MUC17: variants seen among roughly 807,000 people sequenced by gnomAD.
MUC17 encodes the protein mucin 17, cell surface associated, also known as mucin-17.
MUC17 carries 190 observed loss-of-function variants against 170.3 expected under a neutral mutation model. The observed-to-expected ratio is 1.12, with a 90% CI of 0.99 to 1.26. The LOEUF (loss-of-function observed/expected upper bound fraction) is 1.26, where lower values mean the gene tolerates loss of function less well. Ranked by LOEUF, MUC17 falls within the 50% of genes most tolerant of loss-of-function variation. MUC17 has a pLI of 0.00. For missense variants in MUC17, 6,415 were observed against 5,530.0 expected, an observed-to-expected ratio of 1.16 and a Z score of -5.08; for synonymous variants, 2,325 against 2,002.5, an observed-to-expected ratio of 1.16 and a Z score of -4.30.
intron 11 of MUC17, among the ~76,000 whole-genome samples, chr7:101,055,431 C>T (rs893198299): frequency 6.6e-6 from 1 of 151,938 alleles, no homozygotes; most frequent in African/African-American, 2.4e-5. Flanking sequence ...AAAAGAATTA[C>T]TAGGTATAAA....
chr7:101,044,754 G>A (rs528738937), intron 3 of MUC17, among the ~76,000 whole-genome samples: 17 of 152,224 alleles, frequency 1.1e-4, no homozygotes, highest in African/African-American at 3.6e-4. Context: ...AAACTTTCTA[G>A]TGGATTTTCT....
chr7:101,026,966 T>G (rs1019667375), intron 1 of MUC17, among the ~76,000 whole-genome samples: 1 of 152,134 alleles, frequency 6.6e-6, no homozygotes, highest in Non-Finnish European at 1.5e-5. Flanking sequence ...CCCTCCCCAC[T>G]TGGCTTCCCA....
Position 101,039,671 on chromosome 7 carries a change from C to T in MUC17, c.8255C>T (p.Pro2752Leu), listed in dbSNP as rs372042839. ...TCAACTCCTAGTGATGGAAGTACTCCATTAACAAGTATACTTGTCAGCACC... is the reference window on the plus strand; with the variant it reads ...TCAACTCCTAGTGATGGAAGTACTCTATTAACAAGTATACTTGTCAGCACC... ...RISTPSDGST[P>L]LTSILVSTLP... Residue 2752 changes from proline to leucine, a missense_variant, in exon 3 of 13, where the codon CCA becomes CTA. Transcript: ENST00000306151. The T allele has an allele frequency of 1.8e-5, 29 of 1,612,608 alleles. 1 individual carries two copies. In the African/African-American group the frequency reaches 3.7e-4, roughly 21 times the overall value.
intron 1 of MUC17, among the ~76,000 whole-genome samples, chr7:101,029,623 G>T (rs578172033): frequency 6.6e-6 from 1 of 151,930 alleles, no homozygotes; most frequent in South Asian, 2.1e-4. Context: ...TTTTGAGACA[G>T]AGTCTCGCTC....
In MUC17 at chr7:101,035,415, T is replaced by C. The variant is rs374292311; in HGVS notation, c.3999T>C (p.Ser1333=). The C allele has an allele frequency of 5.0e-6, 8 of 1,606,418 alleles. No individual in the cohort carries two copies. Among genetic ancestry groups the C allele is most frequent in the East Asian group, 2.3e-5 (1 of 44,254 alleles). Residue 1333 remains serine, a synonymous_variant, in exon 3 of 13, where the codon AGT becomes AGC. Transcript: ENST00000306151. The stretch of plus-strand genomic sequence containing the variant: ...CCAGCATGCCAACCTCAACTTATAG[T>C]GAAGGAAGAACTCCTTTAACAAGTA... ...EGTSMPTSTY[S]EGRTPLTSIP...
rs149791723 is a variant in MUC17, at chr7:101,043,800, T to C, written c.12384T>C (p.Thr4128=). The change falls in exon 3 of 13, where the codon ACT becomes ACC. Residue 4128 remains threonine, a synonymous_variant. Transcript: ENST00000306151. ...TIKSNPTSTP[T]VPRTTTCFGD... Reference sequence around the variant, plus strand: ...AGAGCAACCCCACCTCAACTCCTACTGTGCCAAGAACCACAACATGTAAGT... The same window carrying C: ...AGAGCAACCCCACCTCAACTCCTACCGTGCCAAGAACCACAACATGTAAGT... 16 of 1,604,238 alleles carry C rather than the reference T, an allele frequency of 1.0e-5. No individual in the cohort carries two copies. In the African/African-American group the frequency reaches 1.6e-4, roughly 16 times the overall value.
chr7:101,036,439 G>T lies in MUC17; in HGVS notation c.5023G>T (p.Ala1675Ser). ...TGAAGTCAGTTCATCTCCTACACCT[G>T]CTGAAGGTACCAGCATGCCAACCTC... is the stretch of plus-strand genomic sequence containing the variant. ...STEVSSSPTPAEGTSMPTSTY... is the reference protein window; with the variant it reads ...STEVSSSPTPSEGTSMPTSTY... Residue 1675 changes from alanine to serine, a missense_variant, in exon 3 of 13, where the codon GCT becomes TCT. Ala to Ser is a moderately conservative substitution (Grantham distance 99). Transcript: ENST00000306151. 1 of 1,610,580 alleles carries T rather than the reference G, an allele frequency of 6.2e-7. No individual in the cohort carries two copies. Among genetic ancestry groups the T allele is most frequent in the Non-Finnish European group, 8.5e-7 (1 of 1,178,750 alleles).
At chr7:101,046,843 G>T (rs766391760) in intron 3 of MUC17, among the ~76,000 whole-genome samples, 2 of 152,082 alleles carry the variant, frequency 1.3e-5, no homozygotes, top group Non-Finnish European at 2.9e-5. Context: ...ACTTTGGGAG[G>T]CTGAGGTGGG....
chr7:101,032,108 C>G lies in MUC17; in HGVS notation c.692C>G (p.Ser231Ter), dbSNP rs1456838662. The G allele has an allele frequency of 6.2e-7, 1 of 1,613,762 alleles. No homozygotes were observed. Among genetic ancestry groups the G allele is most frequent in the Non-Finnish European group, 8.5e-7 (1 of 1,179,998 alleles). The change falls in exon 3 of 13, where the codon TCA becomes TGA. Residue 231 changes from serine (S) to a stop codon, truncating the protein, a stop_gained. Coordinates refer to ENST00000306151, the MANE Select transcript of MUC17 (RefSeq NM_001040105.2). LOFTEE classifies it high-confidence loss of function. ...MPASTMKVAS[S>*]EAITLLTTPV... ...GCCAGCACCATGAAGGTGGCCAGTT[C>G]AGAGGCTATCACCCTTTTGACAACT...
At chr7:101,047,885 T>G in intron 3 of MUC17, 99 bp from the exon 4 acceptor site, 2 of 1,363,382 alleles carry the variant, frequency 1.5e-6, no homozygotes, top group Non-Finnish European at 1.9e-6. Context: ...AGCTGTAAAG[T>G]GCTGTGCTCA....
intron 11 of MUC17, among the ~76,000 whole-genome samples, chr7:101,053,861 C>T (rs1303078081): frequency 9.6e-5 from 14 of 145,192 alleles, no homozygotes; most frequent in Non-Finnish European, 1.7e-4. Context: ...GCCTGGGCAA[C>T]AAGCACGAAA....
chr7:101,037,878 A>T lies in MUC17; in HGVS notation c.6462A>T (p.Ser2154=). Residue 2154 remains serine (S), a synonymous_variant, in exon 3 of 13, where the codon TCA becomes TCT. Transcript: ENST00000306151. Reference sequence around the variant, plus strand: ...CTGAAGGTACCAGCATGCAAACCTCAACTTATAGTGACAGAAGAACTCCTT... The same window carrying T: ...CTGAAGGTACCAGCATGCAAACCTCTACTTATAGTGACAGAAGAACTCCTT... The part of the protein sequence containing the change: ...IPTEGTSMQT[S]TYSDRRTPLT... 6.2e-7 allele frequency: 1 copy of T among 1,610,846 alleles called. No homozygotes were observed. Among genetic ancestry groups the T allele is most frequent in the Non-Finnish European group, 8.5e-7 (1 of 1,178,156 alleles).
At position 101,051,887 on chromosome 7, in the gene MUC17, G is replaced by A; in HGVS notation, c.13028G>A (p.Cys4343Tyr). Reference protein sequence around the residue: ...RDQKPYCISPCEPGFSVSKNC... With the variant: ...RDQKPYCISPYEPGFSVSKNC... ...CAGAAGCCATACTGCATCAGCCCCTGTGAGCCTGGCTTCAGTGTCTCCAAG... is the reference window on the plus strand; with the variant it reads ...CAGAAGCCATACTGCATCAGCCCCTATGAGCCTGGCTTCAGTGTCTCCAAG... The change falls in exon 9 of 13, where the codon TGT (cysteine) becomes TAT (tyrosine). Residue 4343 changes from cysteine (C) to tyrosine (Y), a missense_variant. By Grantham distance (194) the Cys-to-Tyr change is radical. Coordinates refer to ENST00000306151, the MANE Select transcript of MUC17 (RefSeq NM_001040105.2). 1 of 1,614,212 alleles carries A rather than the reference G, an allele frequency of 6.2e-7. No homozygotes were observed. The highest frequency in any genetic ancestry group is 1.1e-5 in the South Asian group (1 of 91,090).
chr7:101,056,077 A>T, intron 11 of MUC17, 117 bp from the exon 12 acceptor site: 2 of 1,426,062 alleles, frequency 1.4e-6, no homozygotes, highest in Non-Finnish European at 1.9e-6. Flanking sequence ...AAGGGTTTGC[A>T]GTTTCCTAGG....
Position 101,042,935 on chromosome 7 carries a change from G to A in MUC17, c.11519G>A (p.Gly3840Asp), listed in dbSNP as rs1426921306. ...GCCAGCACACTTTCAACACCTCCTG[G>A]TGATACCAGCACACCTTTGCTCACC... is the stretch of plus-strand genomic sequence containing the variant. ...SEASTLSTPP[G>D]DTSTPLLTST... is the part of the protein sequence containing the mutation. Residue 3840 changes from glycine to aspartate, a missense_variant, in exon 3 of 13, where the codon GGT becomes GAT. Transcript: ENST00000306151. 16 of 1,613,838 alleles carry A rather than the reference G, an allele frequency of 9.9e-6. No homozygotes were observed. The highest frequency in any genetic ancestry group is 1.3e-5 in the Non-Finnish European group (15 of 1,179,954).
chr7:101,044,338 G>T (rs1367862929), intron 3 of MUC17, among the ~76,000 whole-genome samples: 2 of 152,088 alleles, frequency 1.3e-5, no homozygotes, highest in Non-Finnish European at 2.9e-5. Context: ...TCAAAAAGTG[G>T]GCAAAGGATA....
At position 101,032,042 on chromosome 7, in the gene MUC17, CAACT is replaced by C. The variant is rs1562803395; in HGVS notation, c.630_633del (p.Asn211ValfsTer7). 6.2e-7 allele frequency: 1 copy of C among 1,614,112 alleles called. No individual in the cohort carries two copies. Among genetic ancestry groups the C allele is most frequent in the Admixed American group, 1.7e-5 (1 of 60,016 alleles). On this transcript the variant is annotated frameshift_variant, in exon 3 of 13. Coordinates refer to ENST00000306151, the MANE Select transcript of MUC17 (RefSeq NM_001040105.2). LOFTEE classifies it high-confidence loss of function. ...CCTGAAAGCACCACCATACCCAAAT[CAACT>C]AACAGTGAAGGAAGCACTCCATTAA...
intron 1 of MUC17, among the ~76,000 whole-genome samples, chr7:101,027,893 T>A (rs1015027215): frequency 6.6e-6 from 1 of 151,920 alleles, no homozygotes; most frequent in Non-Finnish European, 1.5e-5. Context: ...TGTCTCGGCC[T>A]CTCAAGTAGC....
chr7:101,043,497 G>A lies in MUC17; in HGVS notation c.12081G>A (p.Thr4027=), dbSNP rs776481661. The A allele has an allele frequency of 9.9e-6, 16 of 1,614,116 alleles. No homozygotes were observed. The highest frequency in any genetic ancestry group is 1.3e-5 in the Non-Finnish European group (15 of 1,180,020). ...TSRGCTTSAS[T]LSATSTPHTS... is the part of the protein sequence containing the mutation. Reference sequence around the variant, plus strand: ...GAGGCTGCACTACTTCTGCATCAACGCTTTCTGCAACCAGTACACCTCACA... The same window carrying A: ...GAGGCTGCACTACTTCTGCATCAACACTTTCTGCAACCAGTACACCTCACA... Residue 4027 remains threonine, a synonymous_variant, in exon 3 of 13, where the codon ACG becomes ACA. Transcript: ENST00000306151.
Sources: gnomAD v4.1 joint callset for allele counts (sites outside exome capture counted in the v4.1 genomes callset) on GRCh38, gnomAD v4.1.1 for gene constraint, MANE v1.5 for transcripts, NCBI Gene and HGNC (gene_info 2026-07-23, HGNC 2026-07-21) for gene names.